Variants in PRKAG2 observed in about 807,000 individuals in gnomAD.
PRKAG2 encodes 5'-AMP-activated protein kinase subunit gamma-2.
Under a neutral mutation model 69.6 loss-of-function variants are expected in PRKAG2, and 26 were observed. The observed-to-expected ratio is 0.37, with a 90% CI of 0.27 to 0.52. The LOEUF is 0.52. PRKAG2 is among the 20% of genes least tolerant of loss of function. The pLI is 0.90. For missense variants in PRKAG2, 557 were observed against 740.0 expected (o/e 0.75, Z 2.87); for synonymous variants, 293 against 285.0 (o/e 1.03, Z -0.28).
chr7:151,650,141 G>C (rs1252495160), intron 4 of PRKAG2, among the ~76,000 whole-genome samples: 1 of 152,104 alleles, frequency 6.6e-6, no homozygotes, highest in African/African-American at 2.4e-5. Context: ...GGATTGCCTG[G>C]GAGGTGGAGG....
intron 6 of PRKAG2, among the ~76,000 whole-genome samples, chr7:151,580,027 C>CACCAACCA (rs1363848473): frequency 6.6e-6 from 1 of 152,172 alleles, no homozygotes; most frequent in Admixed American, 6.5e-5. Context: ...AGAAAATTGT[C>CACCAACCA]ACCAACCAAC....
At chr7:151,749,123 G>A (rs561167700) in intron 3 of PRKAG2, among the ~76,000 whole-genome samples, 11 of 147,396 alleles carry the variant, frequency 7.5e-5, no homozygotes, top group East Asian at 3.9e-4. Context: ...GAAGAGATGC[G>A]GTTAAGCAAG....
At chr7:151,873,373 T>A (rs1471438981) in intron 1 of PRKAG2, among the ~76,000 whole-genome samples, 1 of 152,240 alleles carries the variant, frequency 6.6e-6, no homozygotes, top group East Asian at 1.9e-4. Flanking sequence ...AGGTGTGGTC[T>A]GCACTGGCCA....
chr7:151,651,334 C>T (rs1245189491), intron 4 of PRKAG2, among the ~76,000 whole-genome samples: 12 of 152,134 alleles, frequency 7.9e-5, no homozygotes, highest in Admixed American at 6.6e-5. Context: ...GGGCTGGGCA[C>T]GGTGGCTCAT....
At chr7:151,669,877 C>T (rs914678258) in intron 4 of PRKAG2, among the ~76,000 whole-genome samples, 2 of 150,748 alleles carry the variant, frequency 1.3e-5, no homozygotes, top group African/African-American at 2.5e-5. Flanking sequence ...TACTTGCACA[C>T]ACAGTTGCAT....
intron 3 of PRKAG2, among the ~76,000 whole-genome samples, chr7:151,742,048 G>T (rs1000237938): frequency 3.9e-5 from 6 of 152,190 alleles, no homozygotes; most frequent in Non-Finnish European, 7.3e-5. Flanking sequence ...CATTGAAATT[G>T]AATAACTGAG....
intron 3 of PRKAG2, among the ~76,000 whole-genome samples, chr7:151,688,596 C>T (rs1835135558): frequency 6.6e-6 from 1 of 152,194 alleles, no homozygotes; most frequent in African/African-American, 2.4e-5. Context: ...CCGCGGCGGG[C>T]TCCCCCACTG....
rs1226651576 is a variant in PRKAG2, at chr7:151,756,335, C to T, written c.466+24817G>A. ...CAGAGCTTCCCCAGGAACCTCTCTG[C>T]CTCTGAGGCACCAAAGGTTTCCTGT... On this transcript the variant is annotated intron_variant, in intron 3 of 15. Transcript: ENST00000287878. The surrounding 1 kb of genome is among the most constrained non-coding windows in gnomAD (Gnocchi z 4.9). Among the ~76,000 whole-genome samples, 1 of 152,232 alleles carries T rather than the reference C, an allele frequency of 6.6e-6. No homozygotes were observed. The highest frequency in any genetic ancestry group is 1.5e-5 in the Non-Finnish European group (1 of 68,038).
chr7:151,697,507 C>T (rs1289265760), intron 3 of PRKAG2, among the ~76,000 whole-genome samples: 1 of 152,096 alleles, frequency 6.6e-6, no homozygotes, highest in Non-Finnish European at 1.5e-5. Flanking sequence ...GTGAGGGTCA[C>T]AGGAAAGGGG....
At chr7:151,862,947 G>A (rs187907740) in intron 1 of PRKAG2, among the ~76,000 whole-genome samples, 1 of 151,624 alleles carries the variant, frequency 6.6e-6, no homozygotes, top group East Asian at 1.9e-4. Context: ...TGGGTGCAGG[G>A]AGCACTGGTA....
chr7:151,572,675 T>G lies in PRKAG2; in HGVS notation c.1040A>C (p.Glu347Ala). 6.3e-7 allele frequency: 1 copy of G among 1,599,078 alleles called. No individual in the cohort carries two copies. Among genetic ancestry groups the G allele is most frequent in the Non-Finnish European group, 8.6e-7 (1 of 1,168,060 alleles). ...CCAATAGTGCTTACCCCTCCATGTT[T>G]CAATTTTATGTTCCTCTAATTCATA... Reference protein sequence around the residue: ...QIYELEEHKIETWRELYLQET... With the variant: ...QIYELEEHKIATWRELYLQET... The change falls in exon 9 of 16, where the codon GAA becomes GCA. Residue 347 changes from glutamate to alanine, a missense_variant. Around this residue, in one of 2 missense-constraint regions of PRKAG2, gnomAD observed 205 missense variants for 383.4 expected, o/e 0.53. Transcript: ENST00000287878.
chr7:151,757,045 A>G (rs769857687), intron 3 of PRKAG2, among the ~76,000 whole-genome samples: 5 of 152,068 alleles, frequency 3.3e-5, no homozygotes, highest in Non-Finnish European at 7.4e-5. Flanking sequence ...GTCTTGCTCT[A>G]TATTTAGGGA....
chr7:151,708,337 C>G (rs1409586984), intron 3 of PRKAG2, among the ~76,000 whole-genome samples: 1 of 152,236 alleles, frequency 6.6e-6, no homozygotes, highest in African/African-American at 2.4e-5. Context: ...AGGCCTTGCC[C>G]TCAGAATGAT....
chr7:151,854,980 CATG>C (rs2079673084), intron 1 of PRKAG2, among the ~76,000 whole-genome samples: 1 of 31,896 alleles, frequency 3.1e-5, no homozygotes, highest in Non-Finnish European at 7.1e-5. Flanking sequence ...CCACACACAC[CATG>C]CTCCACACAC....
At chr7:151,677,192 C>CTT (rs111831284) in intron 3 of PRKAG2, among the ~76,000 whole-genome samples, 2 of 149,420 alleles carry the variant, frequency 1.3e-5, no homozygotes, top group African/African-American at 4.9e-5. Flanking sequence ...ATCTCTTTTT[C>CTT]TTTTTTTTTT....
intron 3 of PRKAG2, among the ~76,000 whole-genome samples, chr7:151,735,485 C>T (rs1799628037): frequency 6.6e-6 from 1 of 152,164 alleles, no homozygotes; most frequent in Non-Finnish European, 1.5e-5. Flanking sequence ...GATTACTCCG[C>T]TACGGAACCT....
intron 1 of PRKAG2, among the ~76,000 whole-genome samples, chr7:151,789,240 T>C (rs1424644388): frequency 2.6e-5 from 4 of 152,244 alleles, no homozygotes; most frequent in Non-Finnish European, 5.9e-5. Flanking sequence ...ATAGACCACT[T>C]TGGGTAGTCC....
chr7:151,608,271 T>A (rs966824300), intron 5 of PRKAG2, among the ~76,000 whole-genome samples: 3 of 152,222 alleles, frequency 2.0e-5, no homozygotes, highest in Admixed American at 6.5e-5. Flanking sequence ...AATAAACTTC[T>A]GTTGTCTAAG....
rs562617590 is a variant in PRKAG2 at position 151,756,416 on chromosome 7, C to T, written c.466+24736G>A. 1.3e-5 allele frequency among the ~76,000 whole-genome samples: 2 copies of T among 152,350 alleles called. No individual in the cohort carries two copies. Among genetic ancestry groups the T allele is most frequent in the Non-Finnish European group, 2.9e-5 (2 of 68,030 alleles). On this transcript the variant is annotated intron_variant, in intron 3 of 15. Coordinates refer to ENST00000287878, the MANE Select transcript of PRKAG2 (RefSeq NM_016203.4). This position sits in a 1 kb window ranked among gnomAD's most constrained non-coding sequence, Gnocchi z 4.9. ...ATTTGTGGGTGCATCTCGGGCACCC[C>T]GCTCAGCACATGGCTCAGGCACACG...
Sources: gnomAD v4.1 joint callset for allele counts (sites outside exome capture counted in the v4.1 genomes callset) on GRCh38, gnomAD v4.1.1 for gene constraint, gnomAD v4.1.1 regional missense constraint, Gnocchi (gnomAD v3.1) non-coding constraint, MANE v1.5 for transcripts, NCBI Gene and HGNC (gene_info 2026-07-23, HGNC 2026-07-21) for gene names.